PALM3: variants seen among roughly 807,000 people sequenced by gnomAD.
PALM3 encodes the protein paralemmin-3.
In PALM3, 20 loss-of-function variants were observed where a neutral mutation model predicts 27.9. The ratio of observed to expected loss-of-function variants is 0.72; its 90% confidence interval spans 0.50 to 1.04. The LOEUF is 1.04. PALM3 is among the 50% of genes least tolerant of loss of function. PALM3 has a pLI of 0.00. For synonymous variants in PALM3, 328 were observed against 352.7 expected, an observed-to-expected ratio of 0.93 and a Z score of 0.79; for missense variants, 814 against 869.4, an observed-to-expected ratio of 0.94 and a Z score of 0.80.
At chr19:14,061,815 C>T in intron 1 of PALM3, 125 bp downstream of exon 1, 5 of 541,728 alleles carry the variant, frequency 9.2e-6, no homozygotes, top group Non-Finnish European at 1.2e-5. Flanking sequence ...TAGCCAACCC[C>T]TCCACTCCCC....
In PALM3 at chr19:14,054,754, C is replaced by T. The variant is rs200092493; in HGVS notation, c.918G>A (p.Glu306=). 1.4e-4 allele frequency: 220 copies of T among 1,551,756 alleles called. No individual in the cohort carries two copies. Among genetic ancestry groups the T allele is most frequent in the Middle Eastern group, 3.3e-4 (2 of 6,016 alleles). ...VGGSDAEAMG[E]IGRVPEVVQT... Reference sequence around the variant, plus strand: ...GCACGACCTCAGGGACCCTGCCTATCTCCCCCATGGCCTCTGCATCACTGC... The same window carrying T: ...GCACGACCTCAGGGACCCTGCCTATTTCCCCCATGGCCTCTGCATCACTGC... Residue 306 remains glutamate (E), a synonymous_variant, in exon 7 of 7, where the codon GAG becomes GAA. Transcript: ENST00000669674.
chr19:14,055,393 C>T lies in PALM3; in HGVS notation c.432G>A (p.Glu144=), dbSNP rs1436497990. The T allele has an allele frequency of 3.2e-6, 5 of 1,549,166 alleles. No homozygotes were observed. Among genetic ancestry groups the T allele is most frequent in the Non-Finnish European group, 1.7e-6 (2 of 1,146,838 alleles). Residue 144 remains glutamate, a synonymous_variant, in exon 6 of 7, where the codon GAG becomes GAA. Coordinates refer to ENST00000669674, the MANE Select transcript of PALM3 (RefSeq NM_001145028.2). ...TCCCACACTTACCTACAGAACCTGC[C>T]TCGACAATGGACTGGGAGAGAGGAC... ...GHRPLSQSIV[E]AGSVGQTDLN... is the part of the protein sequence containing the mutation.
chr19:14,061,268 G>T (rs370798057), intron 1 of PALM3, among the ~76,000 whole-genome samples: 3 of 152,176 alleles, frequency 2.0e-5, no homozygotes, highest in African/African-American at 7.2e-5. Flanking sequence ...GGACCTAGAA[G>T]GGTGAGGAAC....
intron 3 of PALM3, 38 bp downstream of exon 3, chr19:14,057,313 T>A: frequency 2.3e-6 from 3 of 1,321,362 alleles, no homozygotes; most frequent in South Asian, 1.3e-5. Flanking sequence ...CCCCACTCCA[T>A]TCCCCAGGCT....
chr19:14,056,596 T>A, intron 4 of PALM3, 66 bp downstream of exon 4: 1 of 1,551,318 alleles, frequency 6.4e-7, no homozygotes, highest in Non-Finnish European at 8.7e-7. Context: ...CCTTGGAATG[T>A]GCCCAGGGTC....
chr19:14,057,519 G>T (rs1262419526), intron 2 of PALM3, 88 bp from the exon 3 acceptor site: 1 of 1,151,872 alleles, frequency 8.7e-7, no homozygotes, highest in East Asian at 3.1e-5. Context: ...CTCCTCCGCG[G>T]GGCTCACCGG....
chr19:14,055,676 C>T (rs1976292158), intron 5 of PALM3, among the ~76,000 whole-genome samples: 1 of 152,192 alleles, frequency 6.6e-6, no homozygotes, highest in African/African-American at 2.4e-5. Flanking sequence ...CCTACTTTGT[C>T]AGTTACTGGT....
chr19:14,060,612 C>A (rs561293673), intron 1 of PALM3, among the ~76,000 whole-genome samples: 1 of 152,182 alleles, frequency 6.6e-6, no homozygotes, highest in South Asian at 2.1e-4. Flanking sequence ...GGTCATGGAG[C>A]CAAGATCAGA....
At position 14,057,441 on chromosome 19, in the gene PALM3, G is replaced by C; in HGVS notation, c.91-10C>G. On this transcript the variant is annotated splice_polypyrimidine_tract_variant and intron_variant, in intron 2 of 6. Coordinates refer to ENST00000669674, the MANE Select transcript of PALM3 (RefSeq NM_001145028.2). ...GCAGCCGCCGCTTCTCCTGCGCACA[G>C]AGGACCCGGAGCTGCCCGCCGGCCG... is the stretch of plus-strand genomic sequence containing the variant. 5 of 1,528,040 alleles carry C rather than the reference G, an allele frequency of 3.3e-6. No homozygotes were observed. The highest frequency in any genetic ancestry group is 4.4e-6 in the Non-Finnish European group (5 of 1,138,014). The allele number at this position is 1,528,040 out of a possible 1,614,324, so 94.7% of individuals were successfully genotyped here.
In PALM3 at chr19:14,057,405, G is replaced by A. The variant is rs1409998269; in HGVS notation, c.117C>T (p.Ile39=). The A allele has an allele frequency of 1.2e-5, 18 of 1,543,256 alleles. No homozygotes were observed. The highest frequency in any genetic ancestry group is 1.6e-5 in the Non-Finnish European group (18 of 1,145,072). The change falls in exon 3 of 7, where the codon ATC becomes ATT. Residue 39 remains isoleucine, a synonymous_variant. Coordinates refer to ENST00000669674, the MANE Select transcript of PALM3 (RefSeq NM_001145028.2). ...CCTCCACCTCCCGGCGCGCGGCGCGGATCTCCTCCTGCAGCCGCCGCTTCT... is the reference window on the plus strand; with the variant it reads ...CCTCCACCTCCCGGCGCGCGGCGCGAATCTCCTCCTGCAGCCGCCGCTTCT... ...IAEKRRLQEE[I]RAARREVEEE...
Position 14,054,182 on chromosome 19 carries a change from A to G in PALM3, c.1490T>C (p.Val497Ala). The change falls in exon 7 of 7, where the codon GTA becomes GCA. Residue 497 changes from valine (V) to alanine (A), a missense_variant. Coordinates refer to ENST00000669674, the MANE Select transcript of PALM3 (RefSeq NM_001145028.2). ...CTTCTCTACTCCCAATGGTTCTTCT[A>G]CCTCCTCCTCCTCTGCCCCTCGCTT... ...EEKRGAEEEE[V>A]EEPLGVEKKG... is the part of the protein sequence containing the mutation. 6.5e-7 allele frequency: 1 copy of G among 1,545,986 alleles called. No individual in the cohort carries two copies. The highest frequency in any genetic ancestry group is 8.7e-7 in the Non-Finnish European group (1 of 1,145,404).
intron 1 of PALM3, among the ~76,000 whole-genome samples, chr19:14,059,832 CT>C (rs1976388062): frequency 6.6e-6 from 1 of 152,258 alleles, no homozygotes; most frequent in East Asian, 1.9e-4. Flanking sequence ...CACTGGGTCA[CT>C]CTGCCTAGGA....
At chr19:14,055,515 A>C in intron 5 of PALM3, 90 bp from the exon 6 acceptor site, 1 of 1,293,696 alleles carries the variant, frequency 7.7e-7, no homozygotes, top group Non-Finnish European at 1.1e-6. Flanking sequence ...CCACCCCTAA[A>C]TACCCTCAGT....
rs1976284102 is a variant in PALM3, at chr19:14,055,262, G to A, written c.446-36C>T. ...CAGAGGTGGAGGGGAGAGGACAAAAGGGAAGACAGGGTTAAGATGGAACAA... is the reference window on the plus strand; with the variant it reads ...CAGAGGTGGAGGGGAGAGGACAAAAAGGAAGACAGGGTTAAGATGGAACAA... On this transcript the variant is annotated intron_variant, in intron 6 of 6. Transcript: ENST00000669674. 4 of 1,520,038 alleles carry A rather than the reference G, an allele frequency of 2.6e-6. No individual in the cohort carries two copies. In the East Asian group the frequency reaches 9.8e-5, roughly 37 times the overall value. The allele number at this position is 1,520,038 out of a possible 1,614,324, so 94.2% of individuals were successfully genotyped here. A position where few individuals can be genotyped will look rare whatever the true frequency, so the allele number is the denominator to read the frequency against.
chr19:14,055,031 CTT>C lies in PALM3; in HGVS notation c.639_640del (p.Gln215GlufsTer11). The C allele has an allele frequency of 1.3e-6, 2 of 1,550,596 alleles. No individual in the cohort carries two copies. The highest frequency in any genetic ancestry group is 1.7e-6 in the Non-Finnish European group (2 of 1,146,478). On this transcript the variant is annotated frameshift_variant, in exon 7 of 7. Transcript: ENST00000669674. LOFTEE classifies it low-confidence loss of function (END_TRUNC). ...CCCTTCGGATGGCACTGCCCTCTGA[CTT>C]AGCCCCTGCTCTGGAGTGGGGATGG...
rs1210748807 is a variant in PALM3 at position 14,054,813 on chromosome 19, C to T, written c.859G>A (p.Gly287Ser). Residue 287 changes from glycine to serine, a missense_variant, in exon 7 of 7, where the codon GGC (glycine) becomes AGC (serine). Physicochemically the swap from Gly to Ser is moderately conservative, Grantham distance 56. Coordinates refer to ENST00000669674, the MANE Select transcript of PALM3 (RefSeq NM_001145028.2). The stretch of plus-strand genomic sequence containing the variant: ...CCCTCCCAGACCACCTCCACGATGC[C>T]CCTGTCCTCCTTCACCCAGGCCGGG... ...ELPAWVKEDR[G>S]IVEVVWEGVG... is the part of the protein sequence containing the mutation. The T allele has an allele frequency of 2.6e-6, 4 of 1,549,714 alleles. No individual in the cohort carries two copies. In the South Asian group the frequency reaches 4.8e-5, roughly 19 times the overall value.
chr19:14,055,520 C>G (rs371400708), intron 5 of PALM3, 95 bp from the exon 6 acceptor site: 1 of 1,184,722 alleles, frequency 8.4e-7, no homozygotes. Context: ...CCTAAATACC[C>G]TCAGTGGCTC....
chr19:14,054,469 T>G lies in PALM3; in HGVS notation c.1203A>C (p.Gly401=). The G allele has an allele frequency of 6.4e-7, 1 of 1,551,504 alleles. No individual in the cohort carries two copies. Among genetic ancestry groups the G allele is most frequent in the Non-Finnish European group, 8.7e-7 (1 of 1,146,860 alleles). Residue 401 remains glycine, a synonymous_variant, in exon 7 of 7, where the codon GGA becomes GGC. Coordinates refer to ENST00000669674, the MANE Select transcript of PALM3 (RefSeq NM_001145028.2). The part of the protein sequence containing the change: ...PLGAEGAKTG[G]GEETWEAEKR... ...TCTCTGCCTCCCAGGTCTCCTCGCC[T>G]CCTCCCGTCTTGGCCCCCTCGGCCC...
intron 2 of PALM3, among the ~76,000 whole-genome samples, chr19:14,058,040 G>T (rs1033591862): frequency 6.6e-6 from 1 of 152,160 alleles, no homozygotes; most frequent in African/African-American, 2.4e-5. Flanking sequence ...CTCGGGAGGC[G>T]CAGGTTGCAG....
Sources: gnomAD v4.1 joint callset for allele counts (sites outside exome capture counted in the v4.1 genomes callset) on GRCh38, gnomAD v4.1.1 for gene constraint, MANE v1.5 for transcripts, NCBI Gene and HGNC (gene_info 2026-07-23, HGNC 2026-07-21) for gene names.